The following CHCHD6 variants were observed in gnomAD, a reference collection of about 807,000 sequenced individuals.
The protein encoded by CHCHD6 is MICOS complex subunit MIC25.
A neutral mutation model predicts 32.3 loss-of-function variants in CHCHD6; 28 were observed. The observed-to-expected ratio is 0.87, with a 90% CI of 0.64 to 1.19. The LOEUF is 1.19. Ranked by LOEUF, CHCHD6 falls within the 50% of genes most tolerant of loss-of-function variation. The pLI is 0.00. For missense variants in CHCHD6, 333 were observed against 307.0 expected, an observed-to-expected ratio of 1.08 and a Z score of -0.63; for synonymous variants, 122 against 117.5, an observed-to-expected ratio of 1.04 and a Z score of -0.25.
At chr3:126,902,169 A>G (rs1165222649) in intron 5 of CHCHD6, among the ~76,000 whole-genome samples, 1 of 152,190 alleles carries the variant, frequency 6.6e-6, no homozygotes, top group Non-Finnish European at 1.5e-5. Context: ...CAGCGTCTGT[A>G]AGACACTGAT....
intron 5 of CHCHD6, among the ~76,000 whole-genome samples, chr3:126,902,734 A>G (rs2077947319): frequency 6.6e-6 from 1 of 151,538 alleles, no homozygotes; most frequent in South Asian, 2.1e-4. Context: ...AAAAAAAAAA[A>G]ATCAATGTAG....
intron 4 of CHCHD6, among the ~76,000 whole-genome samples, chr3:126,792,347 C>T (rs1938592394): frequency 6.6e-6 from 1 of 151,294 alleles, no homozygotes; most frequent in South Asian, 2.1e-4. Context: ...TTTGAGAAAA[C>T]ACCAAACTGT....
intron 5 of CHCHD6, among the ~76,000 whole-genome samples, chr3:126,893,160 G>T (rs1224434689): frequency 6.6e-6 from 1 of 151,928 alleles, no homozygotes; most frequent in Non-Finnish European, 1.5e-5. Flanking sequence ...TAGAGATGGG[G>T]TTTTGCCAAG....
intron 6 of CHCHD6, among the ~76,000 whole-genome samples, chr3:126,934,284 C>T (rs1000232544): frequency 1.3e-5 from 2 of 152,162 alleles, no homozygotes; most frequent in African/African-American, 4.8e-5. Flanking sequence ...GCCTTCCAGA[C>T]TTTTCTATGA....
chr3:126,803,923 T>C (rs906649379), intron 4 of CHCHD6, among the ~76,000 whole-genome samples: 1 of 152,092 alleles, frequency 6.6e-6, no homozygotes, highest in Non-Finnish European at 1.5e-5. Flanking sequence ...TCAAAACCGC[T>C]CAACTACGTG....
At chr3:126,852,291 C>T (rs116806186) in intron 4 of CHCHD6, among the ~76,000 whole-genome samples, 2,743 of 152,234 alleles carry the variant, frequency 0.018, 30 homozygotes, top group Middle Eastern at 0.051. Flanking sequence ...TACTTAGGCC[C>T]CCTGTTGTCA....
chr3:126,933,162 G>A (rs2078430618), intron 6 of CHCHD6, among the ~76,000 whole-genome samples: 1 of 152,112 alleles, frequency 6.6e-6, no homozygotes, highest in Non-Finnish European at 1.5e-5. Flanking sequence ...GACCCTTCTG[G>A]AATGGAAGCC....
chr3:126,729,879 T>C (rs1194406708), intron 2 of CHCHD6, among the ~76,000 whole-genome samples: 1 of 152,142 alleles, frequency 6.6e-6, no homozygotes, highest in Non-Finnish European at 1.5e-5. Flanking sequence ...GAGCTTTGGC[T>C]GACAGAGAGC....
intron 4 of CHCHD6, among the ~76,000 whole-genome samples, chr3:126,809,019 T>C (rs1939540122): frequency 6.6e-6 from 1 of 151,996 alleles, no homozygotes; most frequent in East Asian, 1.9e-4. Context: ...TTACCTAGGC[T>C]GGAGTGCAGT....
chr3:126,776,119 G>C (rs1370188152), intron 4 of CHCHD6, among the ~76,000 whole-genome samples: 1 of 152,172 alleles, frequency 6.6e-6, no homozygotes, highest in African/African-American at 2.4e-5. Context: ...ACATGAATTG[G>C]CTGTGCTTCT....
chr3:126,932,190 C>T (rs573076795), intron 6 of CHCHD6, among the ~76,000 whole-genome samples: 11 of 152,306 alleles, frequency 7.2e-5, no homozygotes, highest in South Asian at 4.2e-4. Context: ...TAGCACCTCT[C>T]GGTAGCCCTG....
intron 1 of CHCHD6, among the ~76,000 whole-genome samples, chr3:126,715,857 C>CT (rs1934987094): frequency 6.6e-6 from 1 of 152,214 alleles, no homozygotes; most frequent in Non-Finnish European, 1.5e-5. Context: ...CAAGTGCACT[C>CT]TTTCCTTTCT....
chr3:126,777,789 T>G (rs1937720747), intron 4 of CHCHD6, among the ~76,000 whole-genome samples: 1 of 152,244 alleles, frequency 6.6e-6, no homozygotes, highest in African/African-American at 2.4e-5. Context: ...ATAATTCACT[T>G]ACCATATGTC....
intron 6 of CHCHD6, among the ~76,000 whole-genome samples, chr3:126,943,715 C>G (rs1340927530): frequency 6.6e-6 from 1 of 152,078 alleles, no homozygotes; most frequent in Admixed American, 6.5e-5. Flanking sequence ...TGTCTGAGAG[C>G]TCTTCTTTGC....
chr3:126,829,542 T>G (rs1351869001), intron 4 of CHCHD6, among the ~76,000 whole-genome samples: 3 of 151,876 alleles, frequency 2.0e-5, no homozygotes, highest in Non-Finnish European at 4.4e-5. Context: ...CCTGACAAAA[T>G]TCGTATGTTG....
intron 5 of CHCHD6, among the ~76,000 whole-genome samples, chr3:126,901,920 C>T (rs115259984): frequency 6.6e-6 from 1 of 152,334 alleles, no homozygotes; most frequent in African/African-American, 2.4e-5. Context: ...TTGTCTAATC[C>T]TTTAATATTC....
intron 5 of CHCHD6, among the ~76,000 whole-genome samples, chr3:126,903,004 C>T (rs1311040540): frequency 1.3e-5 from 2 of 151,972 alleles, no homozygotes; most frequent in African/African-American, 4.8e-5. Flanking sequence ...CAGTTCCCTG[C>T]GAAGGGAGGT....
At chr3:126,734,599 C>T (rs577305803) in intron 4 of CHCHD6, among the ~76,000 whole-genome samples, 67 of 152,252 alleles carry the variant, frequency 4.4e-4, no homozygotes, top group Admixed American at 6.5e-4. Flanking sequence ...TCCTAGCCCT[C>T]GGGAAGTTTT....
At position 126,863,372 on chromosome 3, in the gene CHCHD6, C is replaced by T. The variant is rs180796109; in HGVS notation, c.495+10642C>T. On this transcript the variant is annotated intron_variant, in intron 5 of 7. Transcript: ENST00000290913. ...TCCTCCTCTACCATCACCACCTCCTCCTCCTCCTCTACCATCACCACCTCC... is the reference window on the plus strand; with the variant it reads ...TCCTCCTCTACCATCACCACCTCCTTCTCCTCCTCTACCATCACCACCTCC... Among the ~76,000 whole-genome samples the T allele has an allele frequency of 2.3e-3, 327 of 140,244 alleles. 2 individuals are homozygous for T. Among genetic ancestry groups the T allele is most frequent in the African/African-American group, 7.3e-3 (263 of 36,146 alleles). 92.0% of individuals were successfully genotyped at this position (140,244 alleles called of 152,430 possible). A position where few individuals can be genotyped will look rare whatever the true frequency, so the allele number is the denominator to read the frequency against.
Sources: allele counts gnomAD v4.1 joint callset (sites outside exome capture counted in the v4.1 genomes callset), GRCh38; gene constraint gnomAD v4.1.1; transcripts MANE v1.5; gene names NCBI Gene and HGNC (gene_info 2026-07-23, HGNC 2026-07-21).